The following FSTL5 variants were observed in gnomAD, a reference collection of about 807,000 sequenced individuals.
FSTL5 encodes follistatin-related protein 5.
In FSTL5, 62 loss-of-function variants were observed where a neutral mutation model predicts 89.1. The observed-to-expected ratio is 0.70, with a 90% CI of 0.57 to 0.86. The LOEUF is 0.86. Among genes scored for constraint, FSTL5 ranks in the 40% least tolerant of loss-of-function variants. FSTL5 has a pLI of 0.00. For synonymous variants in FSTL5, 383 were observed against 346.2 expected (o/e 1.11, Z -1.18); for missense variants, 1,057 against 1,001.6 (o/e 1.06, Z -0.75).
chr4:161,934,317 C>A (rs359501), intron 3 of FSTL5, among the ~76,000 whole-genome samples: 151,878 of 152,200 alleles, frequency 1, 75,779 homozygotes, highest in Non-Finnish European at 1. Context: ...ACAGTAGAAA[C>A]TCAGGGGATC....
intron 15 of FSTL5, among the ~76,000 whole-genome samples, chr4:161,441,626 C>T (rs1265765987): frequency 1.3e-5 from 2 of 151,980 alleles, no homozygotes; most frequent in Non-Finnish European, 2.9e-5. Flanking sequence ...GTGTGAAAGA[C>T]AAATTTTGAA....
At chr4:162,128,511 C>T (rs1351774501) in intron 1 of FSTL5, among the ~76,000 whole-genome samples, 1 of 152,172 alleles carries the variant, frequency 6.6e-6, no homozygotes, top group Non-Finnish European at 1.5e-5. Context: ...CTTTGAACCA[C>T]AAAGTAGGCC....
chr4:162,152,729 A>G (rs2111513280), intron 1 of FSTL5, among the ~76,000 whole-genome samples: 1 of 152,236 alleles, frequency 6.6e-6, no homozygotes, highest in East Asian at 1.9e-4. Context: ...AGAGAACTTA[A>G]ATTTTCTATG....
chr4:161,582,298 T>G (rs1432799119), intron 8 of FSTL5, among the ~76,000 whole-genome samples: 2 of 152,240 alleles, frequency 1.3e-5, no homozygotes, highest in African/African-American at 2.4e-5. Flanking sequence ...AAAGTTCTTT[T>G]TAACTTTTTC....
intron 15 of FSTL5, among the ~76,000 whole-genome samples, chr4:161,446,851 G>A (rs1732964319): frequency 1.3e-5 from 2 of 151,900 alleles, no homozygotes; most frequent in Non-Finnish European, 2.9e-5. Flanking sequence ...TTTTACTAAT[G>A]AGGAAACGGA....
intron 12 of FSTL5, among the ~76,000 whole-genome samples, chr4:161,482,806 G>A (rs997400537): frequency 6.6e-6 from 1 of 152,206 alleles, no homozygotes; most frequent in Non-Finnish European, 1.5e-5. Flanking sequence ...CCAAATGTCA[G>A]ATCTAATTCA....
chr4:162,135,229 A>G (rs1275613234), intron 1 of FSTL5, among the ~76,000 whole-genome samples: 1 of 152,132 alleles, frequency 6.6e-6, no homozygotes, highest in African/African-American at 2.4e-5. Flanking sequence ...ATGTTTATCA[A>G]ACTATTAGTC....
intron 1 of FSTL5, among the ~76,000 whole-genome samples, chr4:162,113,735 T>A (rs924692133): frequency 6.6e-6 from 1 of 152,132 alleles, no homozygotes; most frequent in Non-Finnish European, 1.5e-5. Flanking sequence ...AATATGGCCC[T>A]TTCCCCCTGC....
intron 3 of FSTL5, among the ~76,000 whole-genome samples, chr4:161,983,244 T>C (rs72978666): frequency 5.9e-5 from 9 of 152,332 alleles, no homozygotes; most frequent in African/African-American, 2.2e-4. Flanking sequence ...GGTGTGTCTG[T>C]GTGAAGTGTT....
intron 9 of FSTL5, among the ~76,000 whole-genome samples, chr4:161,541,011 G>A (rs1379515013): frequency 6.6e-6 from 1 of 151,564 alleles, no homozygotes; most frequent in Non-Finnish European, 1.5e-5. Context: ...TGCTTTCTTG[G>A]GATTTTACTC....
chr4:161,945,362 A>G (rs764507900), intron 3 of FSTL5, among the ~76,000 whole-genome samples: 1 of 152,222 alleles, frequency 6.6e-6, no homozygotes, highest in Non-Finnish European at 1.5e-5. Context: ...GATTGACGGC[A>G]CATAAGGATT....
intron 10 of FSTL5, among the ~76,000 whole-genome samples, chr4:161,536,449 G>A (rs1403596386): frequency 6.6e-6 from 1 of 152,020 alleles, no homozygotes; most frequent in Non-Finnish European, 1.5e-5. Flanking sequence ...TTGTTATACA[G>A]AATTCTGGCA....
At chr4:161,516,503 TTA>T (rs201105482) in intron 10 of FSTL5, among the ~76,000 whole-genome samples, 22,800 of 145,628 alleles carry the variant, frequency 0.16, 2,156 homozygotes, top group African/African-American at 0.24. Context: ...ATGTAATTTA[TTA>T]TATATATACA....
chr4:161,706,069 ACC>A lies in FSTL5; in HGVS notation c.728-49577_728-49576del, dbSNP rs538358062. On this transcript the variant is annotated intron_variant, in intron 6 of 15. Coordinates refer to ENST00000306100, the MANE Select transcript of FSTL5 (RefSeq NM_020116.5). ...AGGTTTATGGAGGTATCTAGCATAC[ACC>A]ACTGACTTTATGCCAGTAAGTTGAG... Among the ~76,000 whole-genome samples the A allele has an allele frequency of 2.6e-4, 38 of 146,632 alleles. 2 individuals are homozygous for A. The South Asian group carries it at 7.8e-3, about 30-fold the overall frequency.
intron 15 of FSTL5, among the ~76,000 whole-genome samples, chr4:161,454,272 T>G (rs541626780): frequency 6.6e-6 from 1 of 152,350 alleles, no homozygotes; most frequent in Admixed American, 6.5e-5. Flanking sequence ...TTTTTAACAT[T>G]GCTAAGCAAA....
chr4:161,652,407 C>T (rs1736373453), intron 7 of FSTL5, among the ~76,000 whole-genome samples: 1 of 152,072 alleles, frequency 6.6e-6, no homozygotes, highest in South Asian at 2.1e-4. Context: ...TACACACCAG[C>T]CTGTACAACA....
chr4:161,875,590 G>T (rs753949399), intron 4 of FSTL5, among the ~76,000 whole-genome samples: 1 of 152,232 alleles, frequency 6.6e-6, no homozygotes, highest in Middle Eastern at 3.4e-3. Context: ...GCCACTGGTC[G>T]GGTCCGCTCG....
At chr4:162,068,398 A>G (rs1561001759) in intron 2 of FSTL5, among the ~76,000 whole-genome samples, 1 of 152,136 alleles carries the variant, frequency 6.6e-6, no homozygotes, top group Non-Finnish European at 1.5e-5. Flanking sequence ...ATAAGATCGC[A>G]CATCTACAAC....
At chr4:161,499,297 CT>C (rs541871834) in intron 12 of FSTL5, among the ~76,000 whole-genome samples, 73 of 152,252 alleles carry the variant, frequency 4.8e-4, no homozygotes, top group African/African-American at 1.7e-3. Context: ...AAGAATTTTA[CT>C]TAATAATTTA....
Sources: allele counts gnomAD v4.1 joint callset (sites outside exome capture counted in the v4.1 genomes callset), GRCh38; gene constraint gnomAD v4.1.1; transcripts MANE v1.5; gene names NCBI Gene and HGNC (gene_info 2026-07-23, HGNC 2026-07-21).